EVL: variants seen among roughly 807,000 people sequenced by gnomAD.
EVL encodes the protein Enah/Vasp-like.
EVL carries 21 observed loss-of-function variants against 59.6 expected under a neutral mutation model. The ratio of observed to expected loss-of-function variants is 0.35; its 90% CI spans 0.25 to 0.51. EVL has a LOEUF of 0.51. EVL is among the 20% of genes least tolerant of loss of function. The pLI is 0.97. For missense variants in EVL, 462 were observed against 546.6 expected (o/e 0.85, Z 1.54); for synonymous variants, 198 against 203.5 (o/e 0.97, Z 0.23).
intron 1 of EVL, among the ~76,000 whole-genome samples, chr14:100,054,428 G>C (rs189149330): frequency 6.6e-6 from 1 of 152,098 alleles, no homozygotes; most frequent in Non-Finnish European, 1.5e-5. Context: ...AATTCCTAGA[G>C]ACAGTAAGAA....
intron 1 of EVL, among the ~76,000 whole-genome samples, chr14:100,072,506 A>T (rs2062069965): frequency 1.3e-5 from 2 of 152,230 alleles, no homozygotes; most frequent in Admixed American, 1.3e-4. Flanking sequence ...AAGTGCTGGG[A>T]TTACATGGGT....
chr14:100,003,879 A>G (rs933318656), intron 1 of EVL, among the ~76,000 whole-genome samples: 1 of 152,232 alleles, frequency 6.6e-6, no homozygotes, highest in Non-Finnish European at 1.5e-5. Context: ...CACAGATTAT[A>G]TTGGAAGAAA....
chr14:99,999,127 T>C (rs375860776), intron 1 of EVL, among the ~76,000 whole-genome samples: 16 of 152,180 alleles, frequency 1.1e-4, no homozygotes, highest in Non-Finnish European at 2.1e-4. Flanking sequence ...AAGGGCTATA[T>C]TTCTAGTGAC....
Position 100,127,513 on chromosome 14 carries a change from C to T in EVL, c.487+742C>T, listed in dbSNP as rs996090897. ...TAGCTGCTGCTGGCCTCCTGCTCCC[C>T]GGCCAGTCTGCATTTCTGATGCAGG... On this transcript the variant is annotated intron_variant, in intron 5 of 13. Coordinates refer to ENST00000392920, the MANE Select transcript of EVL (RefSeq NM_016337.3). The surrounding 1 kb of genome is among the most constrained non-coding windows in gnomAD (Gnocchi z 4.2). 2.6e-5 allele frequency among the ~76,000 whole-genome samples: 4 copies of T among 152,180 alleles called. No homozygotes were observed. The highest frequency in any genetic ancestry group is 6.5e-5 in the Admixed American group (1 of 15,286).
intron 3 of EVL, among the ~76,000 whole-genome samples, chr14:100,120,367 T>A (rs914819006): frequency 2.0e-5 from 3 of 151,932 alleles, no homozygotes; most frequent in African/African-American, 7.3e-5. Flanking sequence ...GAGCGTGGAG[T>A]GCGGAGTGAG....
In EVL at chr14:100,116,110, G is replaced by A. The variant is rs115763337; in HGVS notation, c.359-7429G>A. 5.9e-3 allele frequency among the ~76,000 whole-genome samples: 892 copies of A among 152,276 alleles called. 8 individuals carry two copies. The highest frequency in any genetic ancestry group is 0.02 in the African/African-American group (844 of 41,550). ...AGCCCAGTTCACAGACTCCATTCTCGCTTAGACACTTGCTCGCTTGGTGAT... is the reference window on the plus strand; with the variant it reads ...AGCCCAGTTCACAGACTCCATTCTCACTTAGACACTTGCTCGCTTGGTGAT... On this transcript the variant is annotated intron_variant, in intron 3 of 13. Transcript: ENST00000392920.
At chr14:100,134,586 A>G (rs1888648983) in intron 8 of EVL, 1 of 152,236 alleles carries the variant, frequency 6.6e-6, no homozygotes, top group Admixed American at 6.5e-5. Flanking sequence ...AGTGGGAGGG[A>G]GAGAGGCTGA....
intron 2 of EVL, among the ~76,000 whole-genome samples, chr14:100,093,926 A>G (rs1885618955): frequency 6.6e-6 from 1 of 152,208 alleles, no homozygotes; most frequent in African/African-American, 2.4e-5. Context: ...TCCAAATATT[A>G]TAATTGTTCC....
Position 100,124,910 on chromosome 14 carries a change from G to A in EVL, c.422+1308G>A, listed in dbSNP as rs139131115. ...GACACACACACAAGCACATACACTT[G>A]TCCCAAGGCAGGACCACACACATAG... On this transcript the variant is annotated intron_variant, in intron 4 of 13. Coordinates refer to ENST00000392920, the MANE Select transcript of EVL (RefSeq NM_016337.3). Among the ~76,000 whole-genome samples, 148 of 152,188 alleles carry A rather than the reference G, an allele frequency of 9.7e-4. 2 individuals are homozygous for A. The highest frequency in any genetic ancestry group is 3.5e-3 in the African/African-American group (144 of 41,514).
intron 1 of EVL, among the ~76,000 whole-genome samples, chr14:99,994,051 T>C (rs571465786): frequency 6.6e-6 from 1 of 151,700 alleles, no homozygotes; most frequent in East Asian, 1.9e-4. Flanking sequence ...ATTTGTCAGT[T>C]TCTTTTAAGT....
At chr14:100,051,937 G>A (rs1023758281) in intron 1 of EVL, among the ~76,000 whole-genome samples, 5 of 152,058 alleles carry the variant, frequency 3.3e-5, no homozygotes, top group African/African-American at 7.2e-5. Flanking sequence ...CACATTTTAC[G>A]ATCTTCCTTA....
At chr14:100,104,843 A>G (rs1886456744) in intron 3 of EVL, among the ~76,000 whole-genome samples, 1 of 151,948 alleles carries the variant, frequency 6.6e-6, no homozygotes, top group African/African-American at 2.4e-5. Flanking sequence ...TGCAGTCACA[A>G]GTGAATTTAA....
intron 1 of EVL, among the ~76,000 whole-genome samples, chr14:100,030,396 C>T (rs1393045997): frequency 6.6e-6 from 1 of 152,156 alleles, no homozygotes; most frequent in Non-Finnish European, 1.5e-5. Context: ...GCCACCGCGC[C>T]CGGCCGAGAT....
At chr14:100,021,451 C>G (rs1279525983) in intron 1 of EVL, among the ~76,000 whole-genome samples, 1 of 152,196 alleles carries the variant, frequency 6.6e-6, no homozygotes. Flanking sequence ...CATTTTGTGA[C>G]TGCTGCATGG....
At chr14:100,057,294 G>A (rs1472208961) in intron 1 of EVL, among the ~76,000 whole-genome samples, 2 of 152,168 alleles carry the variant, frequency 1.3e-5, no homozygotes, top group African/African-American at 2.4e-5. Flanking sequence ...GTAGCATAGT[G>A]TCCTCATGAA....
At chr14:100,086,995 C>T (rs796449816) in intron 2 of EVL, among the ~76,000 whole-genome samples, 2 of 152,204 alleles carry the variant, frequency 1.3e-5, no homozygotes, top group African/African-American at 4.8e-5. Flanking sequence ...TGGTTTTAGT[C>T]CGTGTGGGCT....
chr14:100,109,651 C>T lies in EVL; in HGVS notation c.358+11993C>T, dbSNP rs759154706. 3.8e-6 allele frequency: 2 copies of T among 530,038 alleles called. No individual in the cohort carries two copies. The highest frequency in any genetic ancestry group is 3.9e-5 in the Admixed American group (2 of 51,090). 32.8% of individuals were successfully genotyped at this position (530,038 alleles called of 1,614,324 possible). On this transcript the variant is annotated intron_variant, in intron 3 of 13. Coordinates refer to ENST00000392920, the MANE Select transcript of EVL (RefSeq NM_016337.3). The surrounding 1 kb of genome is among the most constrained non-coding windows in gnomAD (Gnocchi z 4.3). ...GAACCAAGACCGCTTGCTGGCCAAC[C>T]TGTGAAACTGGGCTCAAGGTGAGGG...
intron 3 of EVL, among the ~76,000 whole-genome samples, chr14:100,103,087 C>A (rs1886330771): frequency 1.6e-5 from 2 of 125,740 alleles, no homozygotes; most frequent in Admixed American, 1.7e-4. Flanking sequence ...GGCAACAGAG[C>A]AAGACTCCGT....
At chr14:100,030,094 C>CTTTT (rs57192659) in intron 1 of EVL, among the ~76,000 whole-genome samples, 3 of 140,026 alleles carry the variant, frequency 2.1e-5, no homozygotes, top group African/African-American at 8.1e-5. Flanking sequence ...ATGAGATTAC[C>CTTTT]TTTTTTTTTT....
Sources: allele counts gnomAD v4.1 joint callset (sites outside exome capture counted in the v4.1 genomes callset), GRCh38; gene constraint gnomAD v4.1.1; non-coding constraint Gnocchi (gnomAD v3.1); transcripts MANE v1.5; gene names NCBI Gene and HGNC (gene_info 2026-07-23, HGNC 2026-07-21).